ICMT: variants seen among roughly 807,000 people sequenced by gnomAD.
ICMT encodes the protein protein-S-isoprenylcysteine O-methyltransferase.
A neutral mutation model predicts 32.2 loss-of-function variants in ICMT; 10 were observed. The observed-to-expected ratio is 0.31, with a 90% CI of 0.19 to 0.53. The LOEUF is 0.53. Among genes scored for constraint, ICMT ranks in the 20% least tolerant of loss-of-function variants. The pLI is 0.96. For synonymous variants in ICMT, 183 were observed against 158.2 expected (o/e 1.16, Z -1.18); for missense variants, 265 against 356.9 (o/e 0.74, Z 2.07).
At chr1:6,235,022 C>G in intron 1 of ICMT, 48 bp from the exon 2 acceptor site, 1 of 1,472,218 alleles carries the variant, frequency 6.8e-7, no homozygotes, top group Non-Finnish European at 9.5e-7. Context: ...CCTCAGAGTA[C>G]AGATCTGGGC....
intron 4 of ICMT, among the ~76,000 whole-genome samples, chr1:6,225,862 CTCT>C (rs1423064553): frequency 1.3e-5 from 2 of 152,164 alleles, no homozygotes; most frequent in East Asian, 3.9e-4. Context: ...CCCACTTTGC[CTCT>C]TTTTTTTCCC....
At chr1:6,233,689 G>A in intron 2 of ICMT, 46 bp from the exon 3 acceptor site, 1 of 1,540,836 alleles carries the variant, frequency 6.5e-7, no homozygotes. Flanking sequence ...AGAGAACCAA[G>A]TTAACCATAA....
In ICMT at chr1:6,235,806, C is replaced by A; in HGVS notation, c.106G>T (p.Ala36Ser). 1 of 1,321,634 alleles carries A rather than the reference C, an allele frequency of 7.6e-7. No homozygotes were observed. The highest frequency in any genetic ancestry group is 1.6e-5 in the South Asian group (1 of 62,650). The allele number at this position is 1,321,634 out of a possible 1,614,324, so 81.9% of individuals were successfully genotyped here. The change falls in exon 1 of 5, where the codon GCC (alanine) becomes TCC (serine). Residue 36 changes from alanine to serine, a missense_variant. This residue lies in a region of ICMT where 99 missense variants were observed against 92.6 expected (regional missense o/e 1.07). Coordinates refer to ENST00000343813, the MANE Select transcript of ICMT (RefSeq NM_012405.4). ...AGCCCGGTGCGGCCCTGCAGGCCGG[C>A]GCGCGTGAGCAGCGGCAGCGCGAGC... ...SVLALPLLTR[A>S]GLQGRTGLAL...
rs1227200863 is a variant in ICMT, at chr1:6,233,485, A to G, written c.443T>C (p.Ile148Thr). ...TAAGGCACACGAACCTGGCCAAAAG[A>G]TATTTTCAAGTGTGAACTCTAACCA... ...SSWLEFTLENIFWPELKQITW... is the reference protein window; with the variant it reads ...SSWLEFTLENTFWPELKQITW... The change falls in exon 3 of 5, where the codon ATC becomes ACC. Residue 148 changes from isoleucine to threonine, a missense_variant. Ile to Thr is a moderately conservative substitution (Grantham distance 89). This residue lies in a region of ICMT where 166 missense variants were observed against 264.3 expected (regional missense o/e 0.63). Transcript: ENST00000343813. The G allele has an allele frequency of 5.0e-6, 8 of 1,613,454 alleles. No homozygotes were observed. Among genetic ancestry groups the G allele is most frequent in the Admixed American group, 3.3e-5 (2 of 59,886 alleles).
chr1:6,227,136 A>G (rs1668656989), intron 4 of ICMT, among the ~76,000 whole-genome samples: 1 of 152,262 alleles, frequency 6.6e-6, no homozygotes, highest in Non-Finnish European at 1.5e-5. Context: ...ATCAGGAAAG[A>G]CATGTTCCTT....
chr1:6,228,707 T>C (rs998354325), intron 4 of ICMT, among the ~76,000 whole-genome samples: 2 of 152,008 alleles, frequency 1.3e-5, no homozygotes, highest in African/African-American at 2.4e-5. Context: ...AAAGCCACTG[T>C]GCCTAGCCAA....
Position 6,223,100 on chromosome 1 carries a change from T to G in ICMT, c.*1980A>C, listed in dbSNP as rs1300064836. 2.0e-5 allele frequency: 3 copies of G among 152,180 alleles called. No homozygotes were observed. Among genetic ancestry groups the G allele is most frequent in the African/African-American group, 7.2e-5 (3 of 41,406 alleles). 9.4% of individuals were successfully genotyped at this position (152,180 alleles called of 1,614,324 possible). A position where few individuals can be genotyped will look rare whatever the true frequency, so the allele number is the denominator to read the frequency against. ...GGGCCGATGGGCAAGTCCGTCCGGTTTTTTTTGTTGTTGTTGTTGTTTTTT... is the reference window on the plus strand; with the variant it reads ...GGGCCGATGGGCAAGTCCGTCCGGTGTTTTTTGTTGTTGTTGTTGTTTTTT... On this transcript the variant is annotated 3_prime_UTR_variant, in exon 5 of 5. Coordinates refer to ENST00000343813, the MANE Select transcript of ICMT (RefSeq NM_012405.4).
At chr1:6,225,808 G>A (rs1668637747) in intron 4 of ICMT, among the ~76,000 whole-genome samples, 1 of 152,010 alleles carries the variant, frequency 6.6e-6, no homozygotes, top group South Asian at 2.1e-4. Flanking sequence ...CAGAAGAGCA[G>A]CACTTCGCCC....
In ICMT at chr1:6,235,960, G is replaced by A. The variant is rs1668823834; in HGVS notation, c.-49C>T. The A allele has an allele frequency of 2.0e-6, 2 of 996,476 alleles. No individual in the cohort carries two copies. Among genetic ancestry groups the A allele is most frequent in the African/African-American group, 1.7e-5 (1 of 58,248 alleles). 61.7% of individuals were successfully genotyped at this position (996,476 alleles called of 1,614,324 possible). On this transcript the variant is annotated 5_prime_UTR_variant, in exon 1 of 5. Transcript: ENST00000343813. ...GCGGCGGCGCCGGCTGTAGCCCGGA[G>A]AAACGCGCCGGCTGCGCCTGCGCAC...
chr1:6,225,003 G>A lies in ICMT; in HGVS notation c.*77C>T. On this transcript the variant is annotated 3_prime_UTR_variant, in exon 5 of 5. Transcript: ENST00000343813. ...TAAAACGATTAAGAAAATCCATGTGGCAGCGGCCAACCGGAAACAGTTTTG... is the reference window on the plus strand; with the variant it reads ...TAAAACGATTAAGAAAATCCATGTGACAGCGGCCAACCGGAAACAGTTTTG... 1 of 1,225,176 alleles carries A rather than the reference G, an allele frequency of 8.2e-7. No homozygotes were observed. Among genetic ancestry groups the A allele is most frequent in the Non-Finnish European group, 1.2e-6 (1 of 865,086 alleles). The allele number at this position is 1,225,176 out of a possible 1,614,324, so 75.9% of individuals were successfully genotyped here.
At chr1:6,229,774 T>TA (rs1395001430) in intron 4 of ICMT, among the ~76,000 whole-genome samples, 2 of 109,830 alleles carry the variant, frequency 1.8e-5, no homozygotes, top group African/African-American at 7.5e-5. Flanking sequence ...CATACATAAA[T>TA]AAAAAAAATA....
In ICMT at chr1:6,225,279, C is replaced by G; in HGVS notation, c.673-17G>C. The G allele has an allele frequency of 1.2e-6, 2 of 1,609,100 alleles. No individual in the cohort carries two copies. Among genetic ancestry groups the G allele is most frequent in the East Asian group, 4.5e-5 (2 of 44,850 alleles). ...CAGCATCACCTAACAGAGGGAGACA[C>G]CAGGCTCATCAGGGTGACCGTGGGA... On this transcript the variant is annotated splice_polypyrimidine_tract_variant and intron_variant, in intron 4 of 4. Transcript: ENST00000343813.
intron 2 of ICMT, chr1:6,234,604 G>T: frequency 2.0e-6 from 1 of 510,770 alleles, no homozygotes; most frequent in Non-Finnish European, 3.7e-6. Flanking sequence ...TCCGGGAAGG[G>T]CTGCTCAAGT....
At chr1:6,232,376 G>C (rs1668750809) in intron 3 of ICMT, among the ~76,000 whole-genome samples, 1 of 152,208 alleles carries the variant, frequency 6.6e-6, no homozygotes, top group Admixed American at 6.5e-5. Context: ...TGCTACAGCT[G>C]ATGGGCTCTC....
Position 6,232,019 on chromosome 1 carries a change from G to A in ICMT, c.555C>T (p.Phe185=). The A allele has an allele frequency of 1.2e-6, 2 of 1,614,164 alleles. No individual in the cohort carries two copies. Among genetic ancestry groups the A allele is most frequent in the Non-Finnish European group, 1.7e-6 (2 of 1,180,034 alleles). Residue 185 remains phenylalanine (F), a synonymous_variant, in exon 4 of 5, where the codon TTC becomes TTT. Transcript: ENST00000343813. ...ATTTTTCATTCTGTACCACGTGGTT[G>A]AAATTGGAGCCAGCTGTAAACATGG... is the stretch of plus-strand genomic sequence containing the variant. The part of the protein sequence containing the change: ...KAAMFTAGSN[F]NHVVQNEKSD...
chr1:6,226,420 C>A (rs1257249646), intron 4 of ICMT, among the ~76,000 whole-genome samples: 1 of 152,138 alleles, frequency 6.6e-6, no homozygotes, highest in East Asian at 1.9e-4. Context: ...ATCCTTCCCA[C>A]TGATCTCCAG....
In ICMT at chr1:6,221,864, T is replaced by G. The variant is rs1476868529; in HGVS notation, c.*3216A>C. 2 of 152,240 alleles carry G rather than the reference T, an allele frequency of 1.3e-5. No homozygotes were observed. The highest frequency in any genetic ancestry group is 2.9e-5 in the Non-Finnish European group (2 of 68,046). 9.4% of individuals were successfully genotyped at this position (152,240 alleles called of 1,614,324 possible). On this transcript the variant is annotated 3_prime_UTR_variant, in exon 5 of 5. Transcript: ENST00000343813. ...ACGAAAGGCTTCACTCTATGCTGTT[T>G]CCAGGTAGCTTTGTTCTGACAGTAC...
intron 4 of ICMT, among the ~76,000 whole-genome samples, chr1:6,227,579 G>A (rs1668663665): frequency 6.6e-6 from 1 of 152,254 alleles, no homozygotes; most frequent in Non-Finnish European, 1.5e-5. Context: ...AAGGCGGCCA[G>A]GCGCGATGGC....
At position 6,232,066 on chromosome 1, in the gene ICMT, C is replaced by G; in HGVS notation, c.508G>C (p.Gly170Arg). Reference sequence around the variant, plus strand: ...ATGGCCGCCTTCCTCAGACATTCTCCGAAGACCACCATCAGCAGCCCTGTG... The same window carrying G: ...ATGGCCGCCTTCCTCAGACATTCTCGGAAGACCACCATCAGCAGCCCTGTG... ...SVTGLLMVVF[G>R]ECLRKAAMFT... The change falls in exon 4 of 5, where the codon GGA (glycine) becomes CGA (arginine). Residue 170 changes from glycine to arginine, a missense_variant. Physicochemically the swap from Gly to Arg is moderately radical, Grantham distance 125. Coordinates refer to ENST00000343813, the MANE Select transcript of ICMT (RefSeq NM_012405.4). The G allele has an allele frequency of 1.2e-6, 2 of 1,614,094 alleles. No homozygotes were observed. Among genetic ancestry groups the G allele is most frequent in the Non-Finnish European group, 1.7e-6 (2 of 1,180,024 alleles).
Sources: gnomAD v4.1 joint callset for allele counts (sites outside exome capture counted in the v4.1 genomes callset) on GRCh38, gnomAD v4.1.1 for gene constraint, gnomAD v4.1.1 regional missense constraint, MANE v1.5 for transcripts, NCBI Gene and HGNC (gene_info 2026-07-23, HGNC 2026-07-21) for gene names.